Variants in AKT3 observed in about 807,000 individuals in gnomAD.
The protein encoded by AKT3 is AKT serine/threonine kinase 3, also known as RAC-gamma serine/threonine-protein kinase.
A neutral mutation model predicts 65.3 loss-of-function variants in AKT3; 15 were observed. The ratio of observed to expected loss-of-function variants is 0.23; its 90% CI spans 0.15 to 0.35. The LOEUF (loss-of-function observed/expected upper bound fraction) is 0.35, where lower values mean the gene tolerates loss of function less well. Among genes scored for constraint, AKT3 ranks in the 10% least tolerant of loss-of-function variants. AKT3 has a pLI of 1.00. For synonymous variants in AKT3, 206 were observed against 183.8 expected (o/e 1.12, Z -0.98); for missense variants, 243 against 576.5 (o/e 0.42, Z 5.92).
rs142857349 is a variant in AKT3, at chr1:243,666,839, A to G, written c.173-1956T>C. On this transcript the variant is annotated intron_variant, in intron 3 of 13. Transcript: ENST00000673466. Reference sequence around the variant, plus strand: ...TCATCCAACACAAAGCCTGTTTTGTAGTAAAGTATTGAATATTACACATAG... The same window carrying G: ...TCATCCAACACAAAGCCTGTTTTGTGGTAAAGTATTGAATATTACACATAG... 2.0e-3 allele frequency among the ~76,000 whole-genome samples: 307 copies of G among 152,322 alleles called. 1 individual carries two copies. Among genetic ancestry groups the G allele is most frequent in the Non-Finnish European group, 3.1e-3 (210 of 68,026 alleles).
At chr1:243,634,428 A>G (rs1194219955) in intron 6 of AKT3, among the ~76,000 whole-genome samples, 1 of 152,022 alleles carries the variant, frequency 6.6e-6, no homozygotes, top group African/African-American at 2.4e-5. Context: ...AAAGTAGATT[A>G]ACAGCTACTA....
At chr1:243,737,986 C>T (rs904695978) in intron 2 of AKT3, among the ~76,000 whole-genome samples, 1 of 152,136 alleles carries the variant, frequency 6.6e-6, no homozygotes, top group African/African-American at 2.4e-5. Flanking sequence ...AACTAATATA[C>T]TCAAATTGCA....
intron 4 of AKT3, among the ~76,000 whole-genome samples, chr1:243,657,083 A>T (rs1036316608): frequency 3.9e-5 from 6 of 152,158 alleles, no homozygotes; most frequent in African/African-American, 7.2e-5. Flanking sequence ...GGGTTACTTA[A>T]CCCCAAAGGT....
intron 6 of AKT3, among the ~76,000 whole-genome samples, chr1:243,617,209 A>G (rs1678397271): frequency 8.0e-6 from 1 of 125,132 alleles, no homozygotes; most frequent in South Asian, 2.6e-4. Flanking sequence ...ATTCGTCTGC[A>G]CATCAGAGAC....
At chr1:243,595,791 T>C (rs1676567313) in intron 8 of AKT3, among the ~76,000 whole-genome samples, 1 of 152,186 alleles carries the variant, frequency 6.6e-6, no homozygotes, top group Admixed American at 6.5e-5. Context: ...TTTTGGAATA[T>C]CACCTGAAGG....
intron 8 of AKT3, among the ~76,000 whole-genome samples, chr1:243,587,232 G>C (rs541398919): frequency 6.6e-6 from 1 of 152,284 alleles, no homozygotes; most frequent in South Asian, 2.1e-4. Flanking sequence ...TATGTAAACA[G>C]ACAGTCTTTG....
At chr1:243,606,279 AAAG>A (rs1387606320) in intron 8 of AKT3, among the ~76,000 whole-genome samples, 4 of 152,206 alleles carry the variant, frequency 2.6e-5, no homozygotes, top group Admixed American at 2.6e-4. Context: ...GGAGGGCTCA[AAAG>A]AAGACAGAAA....
At chr1:243,660,206 T>G (rs1312542846) in intron 4 of AKT3, among the ~76,000 whole-genome samples, 1 of 152,010 alleles carries the variant, frequency 6.6e-6, no homozygotes, top group Non-Finnish European at 1.5e-5. Flanking sequence ...GGTTTAGTCT[T>G]GGGAGAGTGT....
chr1:243,655,935 A>T (rs776915684), intron 4 of AKT3, among the ~76,000 whole-genome samples: 1 of 152,134 alleles, frequency 6.6e-6, no homozygotes, highest in Admixed American at 6.6e-5. Flanking sequence ...TGGCCCAATA[A>T]ATCTTAGCCT....
rs150309897 is a variant in AKT3 at position 243,729,523 on chromosome 1, C to A, written c.47-33807G>T. Reference sequence around the variant, plus strand: ...AGATTATAAAGAGACATGAAAGTAACCATATCCTTTGAGCCAGTAATTTCA... The same window carrying A: ...AGATTATAAAGAGACATGAAAGTAAACATATCCTTTGAGCCAGTAATTTCA... On this transcript the variant is annotated intron_variant, in intron 2 of 13. Coordinates refer to ENST00000673466, the MANE Select transcript of AKT3 (RefSeq NM_005465.7). Among the ~76,000 whole-genome samples the A allele has an allele frequency of 2.2e-3, 334 of 152,072 alleles. 9 individuals carry two copies. The East Asian group carries it at 0.055, about 25-fold the overall frequency.
At chr1:243,573,514 T>C (rs75651064) in intron 8 of AKT3, among the ~76,000 whole-genome samples, 1,536 of 152,324 alleles carry the variant, frequency 0.01, 29 homozygotes, top group African/African-American at 0.036. Flanking sequence ...TCTACAATTT[T>C]TGATTAATCA....
At chr1:243,721,156 A>C (rs928357898) in intron 2 of AKT3, among the ~76,000 whole-genome samples, 6 of 152,020 alleles carry the variant, frequency 3.9e-5, no homozygotes, top group African/African-American at 1.4e-4. Context: ...TTACTACTCT[A>C]ACCTTCCCCT....
At chr1:243,590,674 T>C (rs1676163077) in intron 8 of AKT3, among the ~76,000 whole-genome samples, 1 of 152,158 alleles carries the variant, frequency 6.6e-6, no homozygotes, top group South Asian at 2.1e-4. Context: ...CTAGATGGAA[T>C]TAACAGATTC....
intron 2 of AKT3, among the ~76,000 whole-genome samples, chr1:243,772,554 T>A (rs1261820627): frequency 1.3e-5 from 2 of 152,160 alleles, no homozygotes; most frequent in African/African-American, 4.8e-5. Flanking sequence ...CTGGAGAGGA[T>A]GTGGAGAAAC....
intron 2 of AKT3, among the ~76,000 whole-genome samples, chr1:243,718,787 G>A (rs1686686166): frequency 6.6e-6 from 1 of 152,034 alleles, no homozygotes; most frequent in South Asian, 2.1e-4. Flanking sequence ...CTTCAATTAT[G>A]AAGAGTAAAT....
intron 2 of AKT3, among the ~76,000 whole-genome samples, chr1:243,770,016 C>T (rs759479736): frequency 6.6e-6 from 1 of 152,142 alleles, no homozygotes; most frequent in Non-Finnish European, 1.5e-5. Context: ...CAAATTCATT[C>T]TTTTATATGT....
chr1:243,825,249 T>C (rs1694099177), intron 2 of AKT3, among the ~76,000 whole-genome samples: 1 of 152,132 alleles, frequency 6.6e-6, no homozygotes, highest in South Asian at 2.1e-4. Flanking sequence ...CTGTGGCCTG[T>C]CAGGGATGAG....
chr1:243,788,560 G>A (rs552074216), intron 2 of AKT3: 3 of 152,130 alleles, frequency 2.0e-5, no homozygotes, highest in South Asian at 2.1e-4. Flanking sequence ...GGCATACCTC[G>A]AGACATTGCA....
At chr1:243,782,767 C>T (rs1275745859) in intron 2 of AKT3, among the ~76,000 whole-genome samples, 1 of 152,106 alleles carries the variant, frequency 6.6e-6, no homozygotes, top group African/African-American at 2.4e-5. Context: ...ATACACAATA[C>T]ACGTATGGGC....
Sources: allele counts gnomAD v4.1 joint callset (sites outside exome capture counted in the v4.1 genomes callset), GRCh38; gene constraint gnomAD v4.1.1; transcripts MANE v1.5; gene names NCBI Gene and HGNC (gene_info 2026-07-23, HGNC 2026-07-21).